PRKCH: variants seen among roughly 807,000 people sequenced by gnomAD.
PRKCH encodes the protein protein kinase C eta type.
PRKCH carries 28 observed loss-of-function variants against 82.5 expected under a neutral mutation model. The ratio of observed to expected loss-of-function variants is 0.34; its 90% CI spans 0.25 to 0.47. PRKCH has a LOEUF of 0.47. Ranked by LOEUF, PRKCH falls within the 20% of genes least tolerant of loss-of-function variation. The probability of loss-of-function intolerance (pLI) is 1.00; values close to 1 mark genes in which losing one functional copy is unlikely to be tolerated. For synonymous variants in PRKCH, 322 were observed against 327.4 expected (o/e 0.98, Z 0.18); for missense variants, 705 against 881.8 (o/e 0.80, Z 2.54).
At chr14:61,308,010 A>T (rs917378227) in intron 1 of PRKCH, among the ~76,000 whole-genome samples, 10 of 151,270 alleles carry the variant, frequency 6.6e-5, no homozygotes, top group Non-Finnish European at 1.2e-4. Flanking sequence ...CTAATTTTTA[A>T]TTTTTTTTTG....
chr14:61,529,064 G>A lies in PRKCH; in HGVS notation c.1434-11G>A. ...GCTGCCCTATCTCGTGCTGCTCTTT[G>A]TATCTTTCAGAGATCTGAAACTGGA... On this transcript the variant is annotated splice_polypyrimidine_tract_variant and intron_variant, in intron 10 of 13. Transcript: ENST00000332981. 6.2e-7 allele frequency: 1 copy of A among 1,606,478 alleles called. No individual in the cohort carries two copies. Among genetic ancestry groups the A allele is most frequent in the Non-Finnish European group, 8.5e-7 (1 of 1,175,776 alleles).
intron 12 of PRKCH, 117 bp downstream of exon 12, chr14:61,530,712 T>C: frequency 1.0e-6 from 1 of 958,896 alleles, no homozygotes; most frequent in Non-Finnish European, 1.5e-6. Flanking sequence ...CTAAAATTTG[T>C]ATTGTTCTAA....
intron 2 of PRKCH, among the ~76,000 whole-genome samples, chr14:61,420,592 A>ACT (rs750044314): frequency 4.0e-5 from 6 of 151,616 alleles, no homozygotes; most frequent in African/African-American, 1.5e-4. Flanking sequence ...TAGCTAAAGG[A>ACT]CTCTCTCTGT....
At chr14:61,395,012 GT>G (rs1455769780) in intron 2 of PRKCH, among the ~76,000 whole-genome samples, 1 of 152,112 alleles carries the variant, frequency 6.6e-6, no homozygotes, top group African/African-American at 2.4e-5. Context: ...TCTTAGGTGT[GT>G]TTGCATATTT....
chr14:61,457,395 A>G, intron 8 of PRKCH, 76 bp downstream of exon 8: 1 of 1,586,562 alleles, frequency 6.3e-7, no homozygotes, highest in Non-Finnish European at 8.6e-7. Context: ...GTGTGCACGC[A>G]TGCGCACATA....
chr14:61,431,173 G>A (rs1000294057), intron 2 of PRKCH, among the ~76,000 whole-genome samples: 1 of 91,646 alleles, frequency 1.1e-5, no homozygotes, highest in Non-Finnish European at 2.9e-5. Flanking sequence ...CACTCAATTG[G>A]TAAGGGAAAA....
At chr14:61,384,050 G>A (rs1280982431) in intron 1 of PRKCH, among the ~76,000 whole-genome samples, 2 of 152,074 alleles carry the variant, frequency 1.3e-5, no homozygotes, top group African/African-American at 2.4e-5. Context: ...TTTGTTTTTG[G>A]TGGGGTGTTC....
intron 3 of PRKCH, among the ~76,000 whole-genome samples, chr14:61,443,944 C>T (rs1884093510): frequency 6.6e-6 from 1 of 152,096 alleles, no homozygotes; most frequent in African/African-American, 2.4e-5. Context: ...GAAAGATGCC[C>T]TCACACACCC....
intron 2 of PRKCH, among the ~76,000 whole-genome samples, chr14:61,439,300 G>A (rs1047453423): frequency 3.9e-5 from 6 of 152,180 alleles, no homozygotes; most frequent in African/African-American, 1.2e-4. Context: ...AGTGAAGAGC[G>A]TGTGGGAGAG....
At chr14:61,242,845 T>C (rs1478178362) in intron 1 of PRKCH, among the ~76,000 whole-genome samples, 1 of 152,198 alleles carries the variant, frequency 6.6e-6, no homozygotes, top group Non-Finnish European at 1.5e-5. Context: ...CAGTAATTTG[T>C]TTTGTAATAA....
chr14:61,475,957 A>G (rs1036241721), intron 9 of PRKCH, among the ~76,000 whole-genome samples: 8 of 152,128 alleles, frequency 5.3e-5, no homozygotes, highest in African/African-American at 1.4e-4. Flanking sequence ...TCAATTTTCT[A>G]TCTATTTACT....
At chr14:61,238,793 C>T (rs1724012415) in intron 1 of PRKCH, among the ~76,000 whole-genome samples, 1 of 152,164 alleles carries the variant, frequency 6.6e-6, no homozygotes, top group Non-Finnish European at 1.5e-5. Context: ...TTTTCATTAG[C>T]ATCTGTAAGA....
At chr14:61,203,165 A>G (rs1336489892) in intron 1 of PRKCH, among the ~76,000 whole-genome samples, 1 of 152,112 alleles carries the variant, frequency 6.6e-6, no homozygotes, top group Non-Finnish European at 1.5e-5. Flanking sequence ...TAATAGTAGC[A>G]TGAGTGGTCT....
rs779365636 is a variant in PRKCH at position 61,280,539 on chromosome 14, G to C, written c.-19+92871G>C. On this transcript the variant is annotated intron_variant, in intron 1 of 3. Transcript: ENST00000555185. The surrounding 1 kb of genome is among the most constrained non-coding windows in gnomAD (Gnocchi z 5.0). ...CCAGCGGCGGGTTGCGGAACTTGAC[G>C]TGGTAGTCGGTCCACCAGGCGATGC... 1.2e-5 allele frequency: 20 copies of C among 1,611,878 alleles called. No individual in the cohort carries two copies. Among genetic ancestry groups the C allele is most frequent in the Non-Finnish European group, 1.7e-5 (20 of 1,179,374 alleles).
At chr14:61,431,366 C>A (rs1260125200) in intron 2 of PRKCH, among the ~76,000 whole-genome samples, 2 of 152,228 alleles carry the variant, frequency 1.3e-5, no homozygotes, top group Non-Finnish European at 2.9e-5. Flanking sequence ...GGACAGGGTC[C>A]TCGGATCTCT....
At chr14:61,445,350 T>C (rs758003174) in intron 3 of PRKCH, among the ~76,000 whole-genome samples, 25 of 152,190 alleles carry the variant, frequency 1.6e-4, no homozygotes, top group Admixed American at 3.3e-4. Flanking sequence ...CATCTTTATG[T>C]GAGAGAGAAT....
Position 61,450,176 on chromosome 14 carries a change from G to GTAAT in PRKCH, c.703-665_703-662dup, listed in dbSNP as rs1367583942. The stretch of plus-strand genomic sequence containing the variant: ...AGAGGCCATAAAAGTTTCAAGAGGA[G>GTAAT]TAATGATTGCCCTACTCCTTGTCAT... On this transcript the variant is annotated intron_variant, in intron 5 of 13. Coordinates refer to ENST00000332981, the MANE Select transcript of PRKCH (RefSeq NM_006255.5). Among the ~76,000 whole-genome samples the GTAAT allele has an allele frequency of 2.0e-5, 3 of 152,278 alleles. No homozygotes were observed. The East Asian group carries it at 5.8e-4, about 29-fold the overall frequency.
At chr14:61,513,523 G>A (rs968862043) in intron 10 of PRKCH, among the ~76,000 whole-genome samples, 2 of 152,000 alleles carry the variant, frequency 1.3e-5, no homozygotes, top group Non-Finnish European at 2.9e-5. Flanking sequence ...AGAGAAATGA[G>A]CTCTTCCATT....
chr14:61,398,462 A>G (rs1283988075), intron 2 of PRKCH, among the ~76,000 whole-genome samples: 1 of 152,242 alleles, frequency 6.6e-6, no homozygotes, highest in African/African-American at 2.4e-5. Flanking sequence ...ACTAAGAAAT[A>G]TGGTGTAAGA....
Sources: gnomAD v4.1 joint callset for allele counts (sites outside exome capture counted in the v4.1 genomes callset) on GRCh38, gnomAD v4.1.1 for gene constraint, Gnocchi (gnomAD v3.1) non-coding constraint, MANE v1.5 for transcripts, NCBI Gene and HGNC (gene_info 2026-07-23, HGNC 2026-07-21) for gene names.